PHF2: variants seen among roughly 807,000 people sequenced by gnomAD.
PHF2 encodes the protein lysine-specific demethylase PHF2.
In PHF2, 27 loss-of-function variants were observed where a neutral mutation model predicts 120.5. That is an observed-to-expected ratio of 0.22 (90% CI 0.17 to 0.31). The LOEUF is 0.31. Among genes scored for constraint, PHF2 ranks in the 10% least tolerant of loss-of-function variants. The pLI is 1.00. For missense variants in PHF2, 1,024 were observed against 1,434.8 expected, an observed-to-expected ratio of 0.71 and a Z score of 4.63; for synonymous variants, 568 against 592.5, an observed-to-expected ratio of 0.96 and a Z score of 0.60.
At chr9:93,666,547 T>C (rs549170856) in intron 16 of PHF2, among the ~76,000 whole-genome samples, 17 of 152,260 alleles carry the variant, frequency 1.1e-4, no homozygotes, top group Non-Finnish European at 2.4e-4. Flanking sequence ...CTGCCCTGTG[T>C]GTCCGTGTGT....
intron 1 of PHF2, among the ~76,000 whole-genome samples, chr9:93,610,945 G>A (rs941299633): frequency 5.9e-5 from 9 of 152,180 alleles, no homozygotes; most frequent in South Asian, 2.1e-4. Context: ...CCTGGCTTTC[G>A]TGTCCTTGTT....
chr9:93,650,415 C>A (rs543724608), intron 5 of PHF2, among the ~76,000 whole-genome samples: 1 of 152,240 alleles, frequency 6.6e-6, no homozygotes, highest in Non-Finnish European at 1.5e-5. Flanking sequence ...CTAACACCTG[C>A]ACACACCCGT....
chr9:93,647,415 C>T (rs560799185), intron 4 of PHF2, among the ~76,000 whole-genome samples: 7 of 152,210 alleles, frequency 4.6e-5, no homozygotes, highest in Admixed American at 1.3e-4. Context: ...GATGGTTCGT[C>T]GTTTGTGTTG....
rs1587705150 is a variant in PHF2 at position 93,649,005 on chromosome 9, G to A, written c.461-66G>A. On this transcript the variant is annotated intron_variant, in intron 4 of 21. Coordinates refer to ENST00000359246, the MANE Select transcript of PHF2 (RefSeq NM_005392.4). ...CCAAGAGTGTGTGTCCACTCCACAC[G>A]TCCTGGCCTCAGGGAGGCTGTGCCG... 3.0e-5 allele frequency: 46 copies of A among 1,532,882 alleles called. No individual in the cohort carries two copies. The South Asian group carries it at 4.0e-4, about 13-fold the overall frequency. The allele number at this position is 1,532,882 out of a possible 1,614,324, so 95.0% of individuals were successfully genotyped here.
chr9:93,645,846 C>T (rs1826249125), intron 4 of PHF2, 57 bp downstream of exon 4: 1 of 1,510,376 alleles, frequency 6.6e-7, no homozygotes, highest in Non-Finnish European at 8.9e-7. Flanking sequence ...GCTGGGACAC[C>T]CACCACTGTG....
rs1470782278 is a variant in PHF2 at position 93,632,690 on chromosome 9, A to AT, written c.184+2635_184+2636insT. ...TAACCTCCCAAAGGCCCCACCTCAT[A>AT]AAATCATCACCTTAGGGGTCAGGAT... On this transcript the variant is annotated intron_variant, in intron 2 of 21. Transcript: ENST00000359246. Among the ~76,000 whole-genome samples the AT allele has an allele frequency of 2.0e-5, 3 of 152,306 alleles. No homozygotes were observed. The East Asian group carries it at 5.8e-4, about 29-fold the overall frequency.
chr9:93,601,205 C>T (rs1008834210), intron 1 of PHF2, among the ~76,000 whole-genome samples: 2 of 152,238 alleles, frequency 1.3e-5, no homozygotes, highest in African/African-American at 4.8e-5. Flanking sequence ...TCTACTGAAA[C>T]CGTGCAGATT....
intron 3 of PHF2, 131 bp from the exon 4 acceptor site, chr9:93,645,498 T>C (rs999041464): frequency 2.2e-5 from 20 of 922,374 alleles, no homozygotes; most frequent in Non-Finnish European, 3.0e-5. Flanking sequence ...CGGCCAGGCC[T>C]CCTCCTGTGG....
intron 16 of PHF2, among the ~76,000 whole-genome samples, chr9:93,666,558 T>G (rs1166170770): frequency 6.6e-6 from 1 of 152,250 alleles, no homozygotes; most frequent in Non-Finnish European, 1.5e-5. Context: ...GTCCGTGTGT[T>G]GGCCATCCAG....
chr9:93,666,047 C>T lies in PHF2; in HGVS notation c.2174C>T (p.Ser725Leu), dbSNP rs116444936. ...PTPVTKPKLD[S>L]AAYKSDDSSD... ...CCTGTCACGAAGCCAAAGCTGGACTCGGCAGCGTACAAGGTGAGCTGCCTT... is the reference window on the plus strand; with the variant it reads ...CCTGTCACGAAGCCAAAGCTGGACTTGGCAGCGTACAAGGTGAGCTGCCTT... The change falls in exon 16 of 22, where the codon TCG becomes TTG. Residue 725 changes from serine to leucine, a missense_variant. Ser to Leu is a moderately radical substitution (Grantham distance 145). Transcript: ENST00000359246. The T allele has an allele frequency of 2.6e-4, 422 of 1,613,112 alleles. 1 individual carries two copies. In the African/African-American group the frequency reaches 4.8e-3, roughly 18 times the overall value.
intron 2 of PHF2, 94 bp from the exon 3 acceptor site, chr9:93,636,317 A>T: frequency 1.1e-6 from 1 of 882,664 alleles, no homozygotes; most frequent in Non-Finnish European, 1.8e-6. Context: ...GGGAGTTGTT[A>T]GTAGGCTGGG....
At chr9:93,583,636 G>A (rs898247356) in intron 1 of PHF2, among the ~76,000 whole-genome samples, 1 of 151,408 alleles carries the variant, frequency 6.6e-6, no homozygotes, top group African/African-American at 2.4e-5. Flanking sequence ...TTATGTTTTT[G>A]GCTAGCATTT....
Position 93,636,469 on chromosome 9 carries a change from C to T in PHF2, c.243C>T (p.Pro81=), listed in dbSNP as rs375181081. Reference sequence around the variant, plus strand: ...CGGGGCAAGCGCCTGACGTCAAGCCCGTGCAGAATGGCAGCCAGCTCTTCA... The same window carrying T: ...CGGGGCAAGCGCCTGACGTCAAGCCTGTGCAGAATGGCAGCCAGCTCTTCA... ...HGPGQAPDVK[P]VQNGSQLFIK... Residue 81 remains proline, a synonymous_variant, in exon 3 of 22, where the codon CCC becomes CCT. Coordinates refer to ENST00000359246, the MANE Select transcript of PHF2 (RefSeq NM_005392.4). The T allele has an allele frequency of 3.5e-5, 56 of 1,609,680 alleles. No homozygotes were observed. The highest frequency in any genetic ancestry group is 2.0e-4 in the East Asian group (9 of 44,698).
intron 1 of PHF2, among the ~76,000 whole-genome samples, chr9:93,600,800 C>T (rs1184939527): frequency 6.6e-6 from 1 of 152,218 alleles, no homozygotes; most frequent in African/African-American, 2.4e-5. Flanking sequence ...ATGGGGAGGC[C>T]AGCCTCTCAT....
chr9:93,596,699 C>G (rs1353976095), intron 1 of PHF2, among the ~76,000 whole-genome samples: 1 of 150,922 alleles, frequency 6.6e-6, no homozygotes, highest in Non-Finnish European at 1.5e-5. Flanking sequence ...GCATGTGTCT[C>G]TGGGCAGAGT....
intron 1 of PHF2, among the ~76,000 whole-genome samples, chr9:93,619,344 G>A (rs7856259): frequency 0.044 from 6,772 of 152,280 alleles, 516 homozygotes; most frequent in African/African-American, 0.15. Context: ...CTCACTGGCC[G>A]AGGAGGACTT....
intron 2 of PHF2, among the ~76,000 whole-genome samples, chr9:93,632,964 C>G (rs1481212570): frequency 1.3e-5 from 2 of 152,112 alleles, no homozygotes; most frequent in African/African-American, 2.4e-5. Flanking sequence ...TTGGTCTTTG[C>G]ATTTACTCCA....
At position 93,636,417 on chromosome 9, in the gene PHF2, A is replaced by C. The variant is rs969143704; in HGVS notation, c.191A>C (p.Lys64Thr). 6.2e-7 allele frequency: 1 copy of C among 1,605,712 alleles called. No individual in the cohort carries two copies. The highest frequency in any genetic ancestry group is 8.5e-7 in the Non-Finnish European group (1 of 1,176,340). ...CTTCCGGTCTCCTCCACAGTAAAGA[A>C]GAAGCGGACCTGGCACAAACACGGC... ...EKTHGKSTLK[K>T]KRTWHKHGPG... The change falls in exon 3 of 22, where the codon AAG (lysine) becomes ACG (threonine). Residue 64 changes from lysine to threonine, a missense_variant. Around this residue, in one of 2 missense-constraint regions of PHF2, gnomAD observed 347 missense variants for 577.4 expected, o/e 0.60. Coordinates refer to ENST00000359246, the MANE Select transcript of PHF2 (RefSeq NM_005392.4).
In PHF2 at chr9:93,660,487, T is replaced by C. The variant is rs780274703; in HGVS notation, c.1625T>C (p.Ile542Thr). The change falls in exon 12 of 22, where the codon ATC (isoleucine) becomes ACC (threonine). Residue 542 changes from isoleucine to threonine, a missense_variant. By Grantham distance (89) the Ile-to-Thr change is moderately conservative. Transcript: ENST00000359246. Reference sequence around the variant, plus strand: ...TCCCGGGAGTCAGCCTCACCCACCATCCCCAACCTGGACCTGCTCGAAGCC... The same window carrying C: ...TCCCGGGAGTCAGCCTCACCCACCACCCCCAACCTGGACCTGCTCGAAGCC... ...KKSRESASPT[I>T]PNLDLLEAHT... is the part of the protein sequence containing the mutation. 1.9e-6 allele frequency: 3 copies of C among 1,546,344 alleles called. No homozygotes were observed. In the South Asian group the frequency reaches 3.4e-5, roughly 18 times the overall value.
Sources: gnomAD v4.1 joint callset for allele counts (sites outside exome capture counted in the v4.1 genomes callset) on GRCh38, gnomAD v4.1.1 for gene constraint, gnomAD v4.1.1 regional missense constraint, MANE v1.5 for transcripts, NCBI Gene and HGNC (gene_info 2026-07-23, HGNC 2026-07-21) for gene names.